OPCML: variants seen among roughly 807,000 people sequenced by gnomAD.
OPCML encodes opioid-binding protein/cell adhesion molecule.
A neutral mutation model predicts 37.8 loss-of-function variants in OPCML; 13 were observed. The ratio of observed to expected loss-of-function variants is 0.34; its 90% CI spans 0.22 to 0.55. The LOEUF (loss-of-function observed/expected upper bound fraction) is 0.55. Among genes scored for constraint, OPCML ranks in the 20% least tolerant of loss-of-function variants. The pLI is 0.91. For missense variants in OPCML, 341 were observed against 435.6 expected (o/e 0.78, Z 1.93); for synonymous variants, 176 against 168.8 (o/e 1.04, Z -0.33).
intron 1 of OPCML, among the ~76,000 whole-genome samples, chr11:133,122,705 C>T (rs1949441071): frequency 1.3e-5 from 2 of 152,168 alleles, no homozygotes; most frequent in Non-Finnish European, 2.9e-5. Context: ...CGTTGATTTA[C>T]CTAGCTAGCC....
At chr11:132,992,351 A>G (rs1946798561) in intron 1 of OPCML, among the ~76,000 whole-genome samples, 1 of 152,162 alleles carries the variant, frequency 6.6e-6, no homozygotes, top group Non-Finnish European at 1.5e-5. Flanking sequence ...ATAAATATAT[A>G]TACTTATTGC....
chr11:133,034,048 T>C (rs868565367), intron 1 of OPCML, among the ~76,000 whole-genome samples: 52 of 152,312 alleles, frequency 3.4e-4, no homozygotes, highest in African/African-American at 1.2e-3. Context: ...GAAACAAGTA[T>C]AGCAATTAAT....
chr11:132,641,076 C>T (rs971141377), intron 3 of OPCML, among the ~76,000 whole-genome samples: 4 of 152,172 alleles, frequency 2.6e-5, no homozygotes, highest in Non-Finnish European at 4.4e-5. Flanking sequence ...GGGCCTACAC[C>T]TGCAACTCTA....
intron 2 of OPCML, among the ~76,000 whole-genome samples, chr11:132,933,924 C>T (rs1401191738): frequency 1.3e-5 from 2 of 152,168 alleles, no homozygotes; most frequent in Non-Finnish European, 2.9e-5. Context: ...ACCCCTGACT[C>T]ATTCAATTCC....
At chr11:132,506,181 A>G (rs781667111) in intron 4 of OPCML, among the ~76,000 whole-genome samples, 2 of 152,198 alleles carry the variant, frequency 1.3e-5, no homozygotes, top group South Asian at 2.1e-4. Flanking sequence ...AAATACTCCA[A>G]TTGCATTTGA....
At chr11:132,975,838 T>C (rs1946451074) in intron 1 of OPCML, among the ~76,000 whole-genome samples, 1 of 152,136 alleles carries the variant, frequency 6.6e-6, no homozygotes, top group East Asian at 1.9e-4. Flanking sequence ...TGGTGTGATC[T>C]TGGCTCACTG....
At chr11:133,087,399 C>G (rs936492845) in intron 1 of OPCML, among the ~76,000 whole-genome samples, 2 of 152,084 alleles carry the variant, frequency 1.3e-5, no homozygotes, top group African/African-American at 4.8e-5. Context: ...AGGTAGTGAG[C>G]CTAGAACCTA....
chr11:132,722,346 G>A (rs1008697913), intron 2 of OPCML, among the ~76,000 whole-genome samples: 2 of 151,922 alleles, frequency 1.3e-5, no homozygotes, highest in Non-Finnish European at 2.9e-5. Context: ...ATGCAGGCTG[G>A]TGAAGAAGCT....
intron 3 of OPCML, among the ~76,000 whole-genome samples, chr11:132,626,120 T>C (rs1223973462): frequency 6.6e-6 from 1 of 151,578 alleles, no homozygotes; most frequent in Non-Finnish European, 1.5e-5. Flanking sequence ...AGGACGTTAA[T>C]AGATAAAGCA....
At chr11:132,520,813 T>C (rs1287862736) in intron 4 of OPCML, among the ~76,000 whole-genome samples, 1 of 152,124 alleles carries the variant, frequency 6.6e-6, no homozygotes, top group African/African-American at 2.4e-5. Flanking sequence ...GTCTTTGCTA[T>C]TGTAAATAGT....
intron 7 of OPCML, among the ~76,000 whole-genome samples, chr11:132,433,171 C>G (rs535584901): frequency 1.3e-5 from 2 of 152,158 alleles, no homozygotes; most frequent in Non-Finnish European, 2.9e-5. Context: ...TGAGCAGTGA[C>G]TCTGGCAGGC....
intron 1 of OPCML, among the ~76,000 whole-genome samples, chr11:133,104,861 T>TA (rs67716502): frequency 0.74 from 112,230 of 152,028 alleles, 41,586 homozygotes; most frequent in East Asian, 0.8. Flanking sequence ...TGAAAAATAT[T>TA]AAGGCCCAAT....
chr11:133,487,996 C>T (rs1298844813), intron 1 of OPCML, among the ~76,000 whole-genome samples: 3 of 151,802 alleles, frequency 2.0e-5, no homozygotes, highest in Non-Finnish European at 4.4e-5. Flanking sequence ...TGTGATATAT[C>T]GCATAAACAA....
intron 2 of OPCML, among the ~76,000 whole-genome samples, chr11:132,937,753 G>A (rs1027326810): frequency 2.0e-5 from 3 of 151,976 alleles, no homozygotes; most frequent in Non-Finnish European, 4.4e-5. Flanking sequence ...CCCAGGACAT[G>A]CCAACATTCT....
At chr11:133,036,991 A>T (rs1321400042) in intron 1 of OPCML, among the ~76,000 whole-genome samples, 1 of 151,984 alleles carries the variant, frequency 6.6e-6, no homozygotes, top group Non-Finnish European at 1.5e-5. Context: ...CTCCCTCCCC[A>T]CAGTGTTCTG....
intron 1 of OPCML, among the ~76,000 whole-genome samples, chr11:133,035,907 G>A (rs1043489810): frequency 3.7e-5 from 4 of 109,534 alleles, no homozygotes; most frequent in African/African-American, 1.6e-4. Flanking sequence ...CCATCTGCAA[G>A]CCAAAAAGAG....
In OPCML at chr11:132,943,326, A is replaced by C; in HGVS notation, c.62-316T>G. ...CCAGATGCCCCCTCCTGCATCCAAA[A>C]AGAGCTTTCTTGACGCTCCCCTGGG... is the stretch of plus-strand genomic sequence containing the variant. On this transcript the variant is annotated intron_variant, in intron 1 of 7. Coordinates refer to ENST00000524381, the MANE Select transcript of OPCML (RefSeq NM_001012393.5). This position sits in a 1 kb window ranked among gnomAD's most constrained non-coding sequence, Gnocchi z 4.3. The C allele has an allele frequency of 3.3e-6, 2 of 608,812 alleles. No individual in the cohort carries two copies. The highest frequency in any genetic ancestry group is 5.6e-6 in the Non-Finnish European group (2 of 356,730). 37.7% of individuals were successfully genotyped at this position (608,812 alleles called of 1,614,324 possible).
intron 2 of OPCML, among the ~76,000 whole-genome samples, chr11:132,889,294 G>A (rs777900410): frequency 3.9e-5 from 6 of 152,168 alleles, no homozygotes; most frequent in Admixed American, 1.3e-4. Flanking sequence ...TACCAAGCAC[G>A]GGCAAGTGCT....
intron 1 of OPCML, among the ~76,000 whole-genome samples, chr11:133,372,855 C>T (rs2136755919): frequency 6.6e-6 from 1 of 152,200 alleles, no homozygotes. Context: ...CTTCCTCTTC[C>T]AATTTAAATA....
Sources: gnomAD v4.1 joint callset for allele counts (sites outside exome capture counted in the v4.1 genomes callset) on GRCh38, gnomAD v4.1.1 for gene constraint, Gnocchi (gnomAD v3.1) non-coding constraint, MANE v1.5 for transcripts, NCBI Gene and HGNC (gene_info 2026-07-23, HGNC 2026-07-21) for gene names.